The following PID1 variants were observed in gnomAD, a reference collection of about 807,000 sequenced individuals.
PID1 encodes PTB-containing, cubilin and LRP1-interacting protein.
PID1 carries 10 observed loss-of-function variants against 19.1 expected under a neutral mutation model. The observed-to-expected ratio is 0.52, with a 90% CI of 0.32 to 0.89. The LOEUF (loss-of-function observed/expected upper bound fraction) is 0.89, where lower values mean the gene tolerates loss of function less well. PID1 is among the 40% of genes least tolerant of loss of function. PID1 has a pLI of 0.03. For synonymous variants in PID1, 130 were observed against 116.0 expected (o/e 1.12, Z -0.78); for missense variants, 248 against 285.3 (o/e 0.87, Z 0.94).
intron 2 of PID1, among the ~76,000 whole-genome samples, chr2:229,111,384 A>G (rs1029008173): frequency 6.6e-6 from 1 of 152,222 alleles, no homozygotes; most frequent in South Asian, 2.1e-4. Flanking sequence ...CATCTACATT[A>G]TAACTATTAC....
At chr2:229,251,691 A>T (rs549347361) in intron 1 of PID1, among the ~76,000 whole-genome samples, 11 of 152,352 alleles carry the variant, frequency 7.2e-5, no homozygotes, top group Non-Finnish European at 1.5e-4. Flanking sequence ...AGGCATTAAA[A>T]GCTTCAAATC....
chr2:229,180,437 T>G (rs1440372563), intron 1 of PID1, among the ~76,000 whole-genome samples: 3 of 152,074 alleles, frequency 2.0e-5, no homozygotes, highest in African/African-American at 4.8e-5. Flanking sequence ...AAAAAAAGTC[T>G]CAAAATGTCA....
chr2:229,189,521 C>A (rs1314491559), intron 1 of PID1, among the ~76,000 whole-genome samples: 1 of 152,152 alleles, frequency 6.6e-6, no homozygotes, highest in Non-Finnish European at 1.5e-5. Context: ...ATGGTGAAAC[C>A]CCATCTCTAC....
intron 1 of PID1, among the ~76,000 whole-genome samples, chr2:229,156,329 T>C: frequency 6.6e-6 from 1 of 152,132 alleles, no homozygotes; most frequent in Non-Finnish European, 1.5e-5. Context: ...GTTATAGGGG[T>C]TATTTTGGGA....
chr2:229,139,103 GAAAGAAAGAAAGAGAAAGAA>G (rs1689944961), intron 2 of PID1, among the ~76,000 whole-genome samples: 1 of 66,692 alleles, frequency 1.5e-5, no homozygotes, highest in African/African-American at 7.5e-5. Context: ...AAGAAAGAAA[GAAAGAAAGAAAGAGAAAGAA>G]AGAAAGAAAG....
Position 229,040,465 on chromosome 2 carries a change from C to G in PID1, c.178-14357G>C, listed in dbSNP as rs1475030745. On this transcript the variant is annotated intron_variant, in intron 2 of 2. Transcript: ENST00000392055. ...ACTGATTACCAACATGCAGTGGTTGCTTGGGAATGGAGTTAAAATAATGGG... is the reference window on the plus strand; with the variant it reads ...ACTGATTACCAACATGCAGTGGTTGGTTGGGAATGGAGTTAAAATAATGGG... Among the ~76,000 whole-genome samples the G allele has an allele frequency of 2.6e-5, 4 of 151,988 alleles. No individual in the cohort carries two copies. The East Asian group carries it at 7.7e-4, about 29-fold the overall frequency.
intron 1 of PID1, among the ~76,000 whole-genome samples, chr2:229,229,411 A>G (rs1182511431): frequency 6.6e-6 from 1 of 152,142 alleles, no homozygotes; most frequent in Non-Finnish European, 1.5e-5. Context: ...AAATGTTTAA[A>G]AGCAATGTTC....
At chr2:229,247,358 T>G (rs973376357) in intron 1 of PID1, among the ~76,000 whole-genome samples, 5 of 152,090 alleles carry the variant, frequency 3.3e-5, no homozygotes, top group Non-Finnish European at 7.4e-5. Flanking sequence ...TAAAAGGGCC[T>G]CTCAAATGAC....
intron 2 of PID1, among the ~76,000 whole-genome samples, chr2:229,045,187 C>A (rs556789726): frequency 1.8e-4 from 27 of 152,326 alleles, no homozygotes; most frequent in African/African-American, 6.0e-4. Context: ...CTCCTGACTT[C>A]AAATGATCCA....
At chr2:229,199,457 A>G (rs989469963) in intron 1 of PID1, among the ~76,000 whole-genome samples, 1 of 151,986 alleles carries the variant, frequency 6.6e-6, no homozygotes, top group East Asian at 1.9e-4. Flanking sequence ...TTGTTCTAGT[A>G]CCTAGAGCAG....
chr2:229,026,003 C>A lies in PID1; in HGVS notation c.283G>T (p.Asp95Tyr). The change falls in exon 3 of 3, where the codon GAT (aspartate) becomes TAT (tyrosine). Residue 95 changes from aspartate to tyrosine, a missense_variant. Physicochemically the swap from Asp to Tyr is radical, Grantham distance 160. Transcript: ENST00000392055. ...LWKKHTLARE[D>Y]VFPANALLEI... ...AGGAGGGCATTGGCCGGAAAGACAT[C>A]CTCTCGGGCTAGCGTGTGCTTCTTC... 6.2e-7 allele frequency: 1 copy of A among 1,614,222 alleles called. No individual in the cohort carries two copies. Among genetic ancestry groups the A allele is most frequent in the South Asian group, 1.1e-5 (1 of 91,086 alleles).
At chr2:229,170,087 A>AAT (rs1356884206) in intron 1 of PID1, among the ~76,000 whole-genome samples, 11 of 152,286 alleles carry the variant, frequency 7.2e-5, no homozygotes, top group African/African-American at 2.6e-4. Context: ...TGAAACGGAA[A>AAT]CCTTTATAAT....
intron 2 of PID1, among the ~76,000 whole-genome samples, chr2:229,105,334 C>T (rs1044945368): frequency 4.6e-5 from 7 of 152,212 alleles, no homozygotes; most frequent in African/African-American, 1.7e-4. Flanking sequence ...CAATCACCGA[C>T]AGTGAGTTTC....
At chr2:229,081,332 G>T (rs1694665162) in intron 2 of PID1, among the ~76,000 whole-genome samples, 1 of 152,292 alleles carries the variant, frequency 6.6e-6, no homozygotes. Context: ...TTGCAGGGAA[G>T]ACCAAATATC....
chr2:229,116,047 C>A (rs920136395), intron 2 of PID1, among the ~76,000 whole-genome samples: 2 of 152,112 alleles, frequency 1.3e-5, no homozygotes, highest in African/African-American at 2.4e-5. Flanking sequence ...CACGGTAAAA[C>A]CCCGTCTCTA....
intron 1 of PID1, among the ~76,000 whole-genome samples, chr2:229,254,886 C>A (rs557032440): frequency 6.6e-6 from 1 of 152,074 alleles, no homozygotes; most frequent in Admixed American, 6.5e-5. Context: ...CAGCACCATC[C>A]CTTTCATTTT....
At chr2:229,253,252 G>A (rs1690201849) in intron 1 of PID1, among the ~76,000 whole-genome samples, 1 of 152,126 alleles carries the variant, frequency 6.6e-6, no homozygotes, top group South Asian at 2.1e-4. Context: ...TCCACTCTAG[G>A]CTCAGAGATA....
At chr2:229,188,393 G>C (rs1314297260) in intron 1 of PID1, among the ~76,000 whole-genome samples, 1 of 152,054 alleles carries the variant, frequency 6.6e-6, no homozygotes, top group Non-Finnish European at 1.5e-5. Flanking sequence ...GAAAGGGGAA[G>C]AGAGTGACTG....
intron 2 of PID1, among the ~76,000 whole-genome samples, chr2:229,066,716 C>T (rs1020111489): frequency 3.3e-5 from 5 of 151,732 alleles, no homozygotes; most frequent in South Asian, 4.2e-4. Context: ...ATAGCATACG[C>T]GTGCTGAAGA....
Sources: gnomAD v4.1 joint callset for allele counts (sites outside exome capture counted in the v4.1 genomes callset) on GRCh38, gnomAD v4.1.1 for gene constraint, MANE v1.5 for transcripts, NCBI Gene and HGNC (gene_info 2026-07-23, HGNC 2026-07-21) for gene names.